FZR1: variants seen among roughly 807,000 people sequenced by gnomAD.
FZR1 encodes fizzy-related protein homolog.
A neutral mutation model predicts 63.6 loss-of-function variants in FZR1; 11 were observed. The ratio of observed to expected loss-of-function variants is 0.17; its 90% CI spans 0.11 to 0.29. The LOEUF (loss-of-function observed/expected upper bound fraction) is 0.29, where lower values mean the gene tolerates loss of function less well. FZR1 is among the 10% of genes least tolerant of loss of function. The pLI, the probability that FZR1 is intolerant of heterozygous loss-of-function variation, is 1.00. For missense variants in FZR1, 440 were observed against 687.5 expected (o/e 0.64, Z 4.03); for synonymous variants, 328 against 297.9 (o/e 1.10, Z -1.04).
chr19:3,513,017 C>A (rs962861484), intron 1 of FZR1, among the ~76,000 whole-genome samples: 11 of 152,260 alleles, frequency 7.2e-5, no homozygotes, highest in South Asian at 2.1e-4. Flanking sequence ...CTGGACATCA[C>A]GCCCAGGCAC....
rs117291365 is a variant in FZR1, at chr19:3,522,215, C to T, written c.-34-741C>T. Reference sequence around the variant, plus strand: ...CTACCTTCTGTCTCCATGGCCTGCACGGACCTTCACTTTATTCTTGTACAA... The same window carrying T: ...CTACCTTCTGTCTCCATGGCCTGCATGGACCTTCACTTTATTCTTGTACAA... On this transcript the variant is annotated intron_variant, in intron 1 of 13. Transcript: ENST00000441788. Among the ~76,000 whole-genome samples, 680 of 152,254 alleles carry T rather than the reference C, an allele frequency of 4.5e-3. 2 individuals carry two copies. Among genetic ancestry groups the T allele is most frequent in the Non-Finnish European group, 5.9e-3 (402 of 68,014 alleles).
chr19:3,527,349 G>A (rs540352922), intron 6 of FZR1, among the ~76,000 whole-genome samples: 1 of 152,230 alleles, frequency 6.6e-6, no homozygotes, highest in African/African-American at 2.4e-5. Flanking sequence ...TGGCCTGGCA[G>A]TGTTGGCCTC....
rs367592302 is a variant in FZR1, at chr19:3,530,809, C to T, written c.672C>T (p.Asp224=). The T allele has an allele frequency of 2.1e-5, 34 of 1,613,018 alleles. No homozygotes were observed. The African/African-American group carries it at 3.7e-4, about 18-fold the overall frequency. The change falls in exon 8 of 14, where the codon GAC becomes GAT. Residue 224 remains aspartate (D), a synonymous_variant. Transcript: ENST00000441788. Reference sequence around the variant, plus strand: ...GCCTCCAGGTGACGCGGCTCTGTGACCTCTCAGTGGAAGGGGACTCAGTGA... The same window carrying T: ...GCCTCCAGGTGACGCGGCTCTGTGATCTCTCAGTGGAAGGGGACTCAGTGA... The part of the protein sequence containing the change: ...ACTSQVTRLC[D]LSVEGDSVTS...
Position 3,525,406 on chromosome 19 carries a change from CTG to C in FZR1, c.70-457_70-456del, listed in dbSNP as rs2083143661. 6.8e-6 allele frequency among the ~76,000 whole-genome samples: 1 copy of C among 146,620 alleles called. No homozygotes were observed. ...CCTGACCATGAGTGACCACGAGTGA[CTG>C]TGTGGCTCCCCTCCTTGGGTTTTCT... On this transcript the variant is annotated intron_variant, in intron 2 of 13. Coordinates refer to ENST00000441788, the MANE Select transcript of FZR1 (RefSeq NM_016263.4). This position sits in a 1 kb window ranked among gnomAD's most constrained non-coding sequence, Gnocchi z 4.2.
rs1192353203 is a variant in FZR1 at position 3,514,473 on chromosome 19, C to T, written c.-35+7999C>T. Among the ~76,000 whole-genome samples the T allele has an allele frequency of 6.6e-6, 1 of 152,156 alleles. No homozygotes were observed. Among genetic ancestry groups the T allele is most frequent in the African/African-American group, 2.4e-5 (1 of 41,430 alleles). ...CACCCACTCCACGCCAGGGGCACCC[C>T]CAGTCATGACAACCACAGATGTCCC... is the stretch of plus-strand genomic sequence containing the variant. On this transcript the variant is annotated intron_variant, in intron 1 of 13. Transcript: ENST00000441788. This position sits in a 1 kb window ranked among gnomAD's most constrained non-coding sequence, Gnocchi z 4.2.
chr19:3,528,265 T>C (rs890179586), intron 7 of FZR1, among the ~76,000 whole-genome samples: 1 of 152,164 alleles, frequency 6.6e-6, no homozygotes, highest in Non-Finnish European at 1.5e-5. Context: ...ACAGGGAGAC[T>C]GGGTTGCTGG....
At chr19:3,524,332 G>C (rs2083131688) in intron 2 of FZR1, among the ~76,000 whole-genome samples, 1 of 152,346 alleles carries the variant, frequency 6.6e-6, no homozygotes, top group Middle Eastern at 3.4e-3. Flanking sequence ...GCCAGGCCGG[G>C]GTGTGAACGG....
rs546434449 is a variant in FZR1 at position 3,514,288 on chromosome 19, C to A, written c.-35+7814C>A. Among the ~76,000 whole-genome samples the A allele has an allele frequency of 2.0e-5, 3 of 152,186 alleles. No individual in the cohort carries two copies. The highest frequency in any genetic ancestry group is 6.5e-5 in the Admixed American group (1 of 15,288). Reference sequence around the variant, plus strand: ...GCAGTGGGGATGGGGCTGGGGATGCCTGGCCACACTCTGCAGGTCTCGCTC... The same window carrying A: ...GCAGTGGGGATGGGGCTGGGGATGCATGGCCACACTCTGCAGGTCTCGCTC... On this transcript the variant is annotated intron_variant, in intron 1 of 13. Transcript: ENST00000441788. This position sits in a 1 kb window ranked among gnomAD's most constrained non-coding sequence, Gnocchi z 4.2.
rs188517352 is a variant in FZR1, at chr19:3,530,456, G to C, written c.655-336G>C. 1.9e-3 allele frequency among the ~76,000 whole-genome samples: 251 copies of C among 132,342 alleles called. 23 individuals carry two copies. Among genetic ancestry groups the C allele is most frequent in the Non-Finnish European group, 2.7e-4 (17 of 62,268 alleles). 86.8% of individuals were successfully genotyped at this position (132,342 alleles called of 152,430 possible). ...AGCGGATGGGAGAGCGCATGGGAGA[G>C]CGCATGGATGAGCGCATGGGAGAGC... is the stretch of plus-strand genomic sequence containing the variant. On this transcript the variant is annotated intron_variant, in intron 7 of 13. Transcript: ENST00000441788.
intron 7 of FZR1, among the ~76,000 whole-genome samples, chr19:3,530,299 A>AGCGCATGGGT (rs2083230233): frequency 7.8e-6 from 1 of 127,888 alleles, no homozygotes; most frequent in African/African-American, 3.3e-5. Context: ...AGCGCAGGGG[A>AGCGCATGGGT]GAGCGGAGGA....
chr19:3,516,489 T>C lies in FZR1; in HGVS notation c.-34-6467T>C, dbSNP rs2121915976. Among the ~76,000 whole-genome samples, 1 of 152,346 alleles carries C rather than the reference T, an allele frequency of 6.6e-6. No homozygotes were observed. The highest frequency in any genetic ancestry group is 1.9e-4 in the East Asian group (1 of 5,186). On this transcript the variant is annotated intron_variant, in intron 1 of 13. Transcript: ENST00000441788. This position sits in a 1 kb window ranked among gnomAD's most constrained non-coding sequence, Gnocchi z 6.0. ...TGCCTCTTATGGCTCCTGGATTTTG[T>C]TCTTCCTGCAGCGCAGCTGAGCGAG...
intron 7 of FZR1, among the ~76,000 whole-genome samples, chr19:3,529,413 TG>T (rs1239600553): frequency 1.6e-5 from 2 of 125,910 alleles, no homozygotes; most frequent in African/African-American, 6.2e-5. Flanking sequence ...GGAGAGCAGA[TG>T]GGAGAGTGGA....
rs2122041238 is a variant in FZR1 at position 3,535,814 on chromosome 19, C to G, written c.*978C>G. ...TGCCTGTGTCTTCACCTGTCCTGTC[C>G]ACCAGCGCCAACAGCCGTGGGGAAG... On this transcript the variant is annotated 3_prime_UTR_variant, in exon 14 of 14. Coordinates refer to ENST00000441788, the MANE Select transcript of FZR1 (RefSeq NM_016263.4). 6.6e-6 allele frequency: 1 copy of G among 152,454 alleles called. No homozygotes were observed. Among genetic ancestry groups the G allele is most frequent in the East Asian group, 1.9e-4 (1 of 5,192 alleles). The allele number at this position is 152,454 out of a possible 1,614,324, so 9.4% of individuals were successfully genotyped here. A position where few individuals can be genotyped will look rare whatever the true frequency, so the allele number is the denominator to read the frequency against.
At chr19:3,532,308 C>T in intron 10 of FZR1, 109 bp from the exon 11 acceptor site, 1 of 903,492 alleles carries the variant, frequency 1.1e-6, no homozygotes, top group Non-Finnish European at 1.6e-6. Context: ...GAGGGAGCAG[C>T]AGGAGGAGTG....
chr19:3,525,912 G>A lies in FZR1; in HGVS notation c.114G>A (p.Val38=). The change falls in exon 3 of 14, where the codon GTG becomes GTA. Residue 38 remains valine, a synonymous_variant. Transcript: ENST00000441788. This position sits in a 1 kb window ranked among gnomAD's most constrained non-coding sequence, Gnocchi z 4.2. Reference sequence around the variant, plus strand: ...CCCTGACGCCTGCCAGCTCCCCAGTGTCCTCGCCCAGCAAGCACGGAGACC... The same window carrying A: ...CCCTGACGCCTGCCAGCTCCCCAGTATCCTCGCCCAGCAAGCACGGAGACC... ...RRTLTPASSP[V]SSPSKHGDRF... The A allele has an allele frequency of 6.2e-7, 1 of 1,612,458 alleles. No homozygotes were observed. Among genetic ancestry groups the A allele is most frequent in the Non-Finnish European group, 8.5e-7 (1 of 1,179,944 alleles).
At chr19:3,523,732 C>T (rs2083125064) in intron 2 of FZR1, among the ~76,000 whole-genome samples, 1 of 152,378 alleles carries the variant, frequency 6.6e-6, no homozygotes, top group South Asian at 2.1e-4. Flanking sequence ...GAGTCCCTCC[C>T]CCATGGGCTG....
At chr19:3,534,325 C>T (rs1190920207) in intron 12 of FZR1, 96 bp from the exon 13 acceptor site, 5 of 652,428 alleles carry the variant, frequency 7.7e-6, no homozygotes, top group South Asian at 4.0e-5. Context: ...GGGGCCCAGC[C>T]ACCCGACACC....
At chr19:3,523,951 C>T (rs934619610) in intron 2 of FZR1, among the ~76,000 whole-genome samples, 4 of 152,232 alleles carry the variant, frequency 2.6e-5, no homozygotes, top group African/African-American at 7.2e-5. Context: ...CTGTGCGGTG[C>T]GGCCCCCACA....
rs545573181 is a variant in FZR1, at chr19:3,525,162, T to C, written c.70-706T>C. On this transcript the variant is annotated intron_variant, in intron 2 of 13. Transcript: ENST00000441788. The surrounding 1 kb of genome is among the most constrained non-coding windows in gnomAD (Gnocchi z 4.2). ...CTTGTGCCGTCAAGGCCTGCGTCTG[T>C]GATCATCTAGAGACGGTGAATGCAT... is the stretch of plus-strand genomic sequence containing the variant. 6.6e-6 allele frequency among the ~76,000 whole-genome samples: 1 copy of C among 152,240 alleles called. No homozygotes were observed. The highest frequency in any genetic ancestry group is 1.5e-5 in the Non-Finnish European group (1 of 68,004).
Sources: gnomAD v4.1 joint callset for allele counts (sites outside exome capture counted in the v4.1 genomes callset) on GRCh38, gnomAD v4.1.1 for gene constraint, Gnocchi (gnomAD v3.1) non-coding constraint, MANE v1.5 for transcripts, NCBI Gene and HGNC (gene_info 2026-07-23, HGNC 2026-07-21) for gene names.